LRCH1: variants seen among roughly 807,000 people sequenced by gnomAD.
The protein encoded by LRCH1 is leucine-rich repeat and calponin homology domain-containing protein 1.
In LRCH1, 23 loss-of-function variants were observed where a neutral mutation model predicts 94.9. That is an observed-to-expected ratio of 0.24 (90% CI 0.17 to 0.34). The LOEUF (loss-of-function observed/expected upper bound fraction) is 0.34. LRCH1 is among the 10% of genes least tolerant of loss of function. The probability of loss-of-function intolerance (pLI) is 1.00; values close to 1 mark genes in which losing one functional copy is unlikely to be tolerated. For missense variants in LRCH1, 790 were observed against 945.9 expected (o/e 0.84, Z 2.16); for synonymous variants, 364 against 354.9 (o/e 1.03, Z -0.29).
intron 16 of LRCH1, among the ~76,000 whole-genome samples, chr13:46,720,069 C>T (rs1872528485): frequency 6.6e-6 from 1 of 151,868 alleles, no homozygotes; most frequent in Non-Finnish European, 1.5e-5. Context: ...TTAAGCAGAA[C>T]TTATTTTTTT....
At chr13:46,731,068 C>A (rs1216694722) in intron 18 of LRCH1, among the ~76,000 whole-genome samples, 1 of 150,132 alleles carries the variant, frequency 6.7e-6, no homozygotes, top group African/African-American at 2.4e-5. Flanking sequence ...CTTTATTCTC[C>A]TCCTACCCAA....
intron 1 of LRCH1, among the ~76,000 whole-genome samples, chr13:46,582,489 G>GTTT (rs11385400): frequency 4.5e-5 from 6 of 132,492 alleles, no homozygotes; most frequent in Admixed American, 2.3e-4. Flanking sequence ...TGAACATATT[G>GTTT]TTTTTTTTTT....
intron 1 of LRCH1, among the ~76,000 whole-genome samples, chr13:46,558,598 A>AAAAAAAAAAAAAAAT: frequency 7.0e-6 from 1 of 143,784 alleles, no homozygotes; most frequent in African/African-American, 2.6e-5. Context: ...AAAAAAAAAA[A>AAAAAAAAAAAAAAAT]GCTGGGTTCC....
intron 1 of LRCH1, among the ~76,000 whole-genome samples, chr13:46,637,464 T>G (rs1304585117): frequency 6.6e-6 from 1 of 152,212 alleles, no homozygotes; most frequent in Non-Finnish European, 1.5e-5. Flanking sequence ...TGGCCTCTTT[T>G]CTTGATTTTC....
At position 46,620,795 on chromosome 13, in the gene LRCH1, C is replaced by T. The variant is rs375550363; in HGVS notation, c.308-29406C>T. 3.9e-5 allele frequency among the ~76,000 whole-genome samples: 6 copies of T among 152,290 alleles called. No homozygotes were observed. The East Asian group carries it at 5.8e-4, about 15-fold the overall frequency. On this transcript the variant is annotated intron_variant, in intron 1 of 19. Coordinates refer to ENST00000389797, the MANE Select transcript of LRCH1 (RefSeq NM_001164211.2). Reference sequence around the variant, plus strand: ...ACTGTACTAAGTTAACATAGCTTTTCGCATTTTACAGAGACATTGAGTAAA... The same window carrying T: ...ACTGTACTAAGTTAACATAGCTTTTTGCATTTTACAGAGACATTGAGTAAA...
At chr13:46,695,620 TG>T (rs1410590361) in intron 9 of LRCH1, among the ~76,000 whole-genome samples, 3 of 152,198 alleles carry the variant, frequency 2.0e-5, no homozygotes, top group Non-Finnish European at 2.9e-5. Flanking sequence ...ATTAGGTGCT[TG>T]GTATGTTTCT....
intron 1 of LRCH1, among the ~76,000 whole-genome samples, chr13:46,635,313 G>A (rs566126043): frequency 8.5e-5 from 13 of 152,214 alleles, no homozygotes; most frequent in Non-Finnish European, 1.6e-4. Context: ...AGCTAACGGG[G>A]CTTGCAGGCA....
chr13:46,723,434 G>A, intron 17 of LRCH1, 104 bp downstream of exon 17: 2 of 866,586 alleles, frequency 2.3e-6, no homozygotes, highest in South Asian at 3.4e-5. Flanking sequence ...TTCAAATCTA[G>A]CCAGGTCACT....
chr13:46,564,523 C>T (rs1001497890), intron 1 of LRCH1, among the ~76,000 whole-genome samples: 1 of 152,190 alleles, frequency 6.6e-6, no homozygotes, highest in African/African-American at 2.4e-5. Flanking sequence ...CCACACCTCT[C>T]CCAGGTCCCT....
At chr13:46,571,651 T>C (rs2050241829) in intron 1 of LRCH1, among the ~76,000 whole-genome samples, 1 of 152,164 alleles carries the variant, frequency 6.6e-6, no homozygotes, top group African/African-American at 2.4e-5. Context: ...TGACCATCCA[T>C]GAGGCTTAGA....
intron 15 of LRCH1, among the ~76,000 whole-genome samples, chr13:46,712,886 T>C (rs1393341647): frequency 2.0e-5 from 3 of 152,194 alleles, no homozygotes; most frequent in African/African-American, 7.2e-5. Context: ...TTTTTTTACC[T>C]AAGGAAGATA....
chr13:46,747,221 G>A (rs1311593828), downstream of LRCH1, among the ~76,000 whole-genome samples: 2 of 152,128 alleles, frequency 1.3e-5, no homozygotes, highest in Admixed American at 6.5e-5. Context: ...CCAGGAAGGC[G>A]AGGAATGCTG....
intron 16 of LRCH1, among the ~76,000 whole-genome samples, chr13:46,717,259 A>T (rs1872368057): frequency 6.6e-6 from 1 of 152,204 alleles, no homozygotes; most frequent in African/African-American, 2.4e-5. Flanking sequence ...CTTTCATTTG[A>T]TTAAAAATCC....
At position 46,740,914 on chromosome 13, in the gene LRCH1, CT is replaced by C. The variant is rs201641415; in HGVS notation, c.2086-727del. 3.1e-3 allele frequency among the ~76,000 whole-genome samples: 475 copies of C among 152,274 alleles called. 3 individuals carry two copies. Among genetic ancestry groups the C allele is most frequent in the African/African-American group, 0.01 (416 of 41,528 alleles). On this transcript the variant is annotated intron_variant, in intron 19 of 19. Coordinates refer to ENST00000389797, the MANE Select transcript of LRCH1 (RefSeq NM_001164211.2). ...GATAAAACACAGAGGTCTACCCCCC[CT>C]GCCCCAATATACCTGTTTAGTAGTG...
chr13:46,689,114 T>A lies in LRCH1; in HGVS notation c.951-19T>A. ...TAATCTTTTTTAAATGAATTCAATA[T>A]TGATGGCATCTATCTCAGCAAGAAG... On this transcript the variant is annotated intron_variant, in intron 6 of 19. Coordinates refer to ENST00000389797, the MANE Select transcript of LRCH1 (RefSeq NM_001164211.2). The A allele has an allele frequency of 1.9e-6, 3 of 1,588,962 alleles. No homozygotes were observed. Among genetic ancestry groups the A allele is most frequent in the Non-Finnish European group, 2.6e-6 (3 of 1,160,000 alleles).
chr13:46,559,269 T>C (rs1284283201), intron 1 of LRCH1, among the ~76,000 whole-genome samples: 1 of 152,260 alleles, frequency 6.6e-6, no homozygotes, highest in Admixed American at 6.5e-5. Flanking sequence ...AGTTTTGAAT[T>C]ATCGTTCTGC....
At position 46,626,135 on chromosome 13, in the gene LRCH1, CA is replaced by C. The variant is rs2050946454; in HGVS notation, c.308-24065del. On this transcript the variant is annotated intron_variant, in intron 1 of 19. Coordinates refer to ENST00000389797, the MANE Select transcript of LRCH1 (RefSeq NM_001164211.2). ...TTAAGCCTGGGAATCTTGGTAATGA[CA>C]TATTATATGCAAAATATGTAATATT... is the stretch of plus-strand genomic sequence containing the variant. Among the ~76,000 whole-genome samples, 5 of 152,222 alleles carry C rather than the reference CA, an allele frequency of 3.3e-5. No individual in the cohort carries two copies. In the South Asian group the frequency reaches 1.0e-3, roughly 32 times the overall value.
At chr13:46,690,614 T>C (rs1472407178) in intron 7 of LRCH1, among the ~76,000 whole-genome samples, 1 of 152,192 alleles carries the variant, frequency 6.6e-6, no homozygotes, top group African/African-American at 2.4e-5. Flanking sequence ...TGCATATCTT[T>C]GGAATTTTGC....
intron 19 of LRCH1, among the ~76,000 whole-genome samples, chr13:46,735,809 T>TTTTTTTTTTTTTTC (rs1566257882): frequency 2.2e-5 from 3 of 137,664 alleles, no homozygotes; most frequent in Non-Finnish European, 3.1e-5. Context: ...TTTTTTTTTT[T>TTTTTTTTTTTTTTC]CGAGATGGAG....
Sources: allele counts gnomAD v4.1 joint callset (sites outside exome capture counted in the v4.1 genomes callset), GRCh38; gene constraint gnomAD v4.1.1; transcripts MANE v1.5; gene names NCBI Gene and HGNC (gene_info 2026-07-23, HGNC 2026-07-21).